SIK2: variants seen among roughly 807,000 people sequenced by gnomAD.
SIK2 encodes the protein salt inducible kinase 2.
A neutral mutation model predicts 103.2 loss-of-function variants in SIK2; 29 were observed. That is an observed-to-expected ratio of 0.28 (90% CI 0.21 to 0.38). The LOEUF (loss-of-function observed/expected upper bound fraction) is 0.38. SIK2 is among the 10% of genes least tolerant of loss of function. The probability of loss-of-function intolerance (pLI) is 1.00; values close to 1 mark genes in which losing one functional copy is unlikely to be tolerated. For missense variants in SIK2, 879 were observed against 1,171.0 expected, an observed-to-expected ratio of 0.75 and a Z score of 3.64; for synonymous variants, 412 against 446.1, an observed-to-expected ratio of 0.92 and a Z score of 0.96.
intron 3 of SIK2, among the ~76,000 whole-genome samples, chr11:111,622,803 G>A (rs765428556): frequency 4.6e-5 from 7 of 151,966 alleles, no homozygotes; most frequent in Non-Finnish European, 8.8e-5. Flanking sequence ...TGTATATAAT[G>A]TGCCTTTTTT....
Position 111,705,869 on chromosome 11 carries a change from A to G in SIK2, c.1101+730A>G, listed in dbSNP as rs1005842045. ...AAGAAGAAATTTGGAGAGAGCAGTT[A>G]GGAGAGTGTTACAGTAGAGATGAGA... On this transcript the variant is annotated intron_variant, in intron 8 of 14. Coordinates refer to ENST00000304987, the MANE Select transcript of SIK2 (RefSeq NM_015191.3). This position sits in a 1 kb window ranked among gnomAD's most constrained non-coding sequence, Gnocchi z 4.3. 6.6e-6 allele frequency among the ~76,000 whole-genome samples: 1 copy of G among 152,242 alleles called. No homozygotes were observed. The highest frequency in any genetic ancestry group is 1.5e-5 in the Non-Finnish European group (1 of 68,034).
At chr11:111,673,404 C>T (rs1021090388) in intron 3 of SIK2, among the ~76,000 whole-genome samples, 5 of 152,244 alleles carry the variant, frequency 3.3e-5, no homozygotes, top group African/African-American at 1.2e-4. Flanking sequence ...AATGTCAGGT[C>T]TTGTTTTCTG....
intron 10 of SIK2, 75 bp from the exon 11 acceptor site, chr11:111,720,403 T>C (rs1239068080): frequency 7.0e-7 from 1 of 1,419,126 alleles, no homozygotes; most frequent in Non-Finnish European, 9.5e-7. Context: ...AAACTCAAGC[T>C]GGTTATGCTT....
At chr11:111,672,198 GC>G (rs1003866952) in intron 3 of SIK2, 12 of 401,690 alleles carry the variant, frequency 3.0e-5, no homozygotes, top group Admixed American at 1.4e-4. Context: ...TGGCTGTGAT[GC>G]CCCCCCATAC....
intron 8 of SIK2, 149 bp from the exon 9 acceptor site, chr11:111,712,062 T>C: frequency 2.5e-6 from 2 of 797,312 alleles, no homozygotes; most frequent in Non-Finnish European, 3.9e-6. Context: ...GCACCATGTA[T>C]ATATTTCACT....
chr11:111,728,095 G>A lies in SIK2; in HGVS notation c.*3966G>A, dbSNP rs1271885560. ...TCCCTGTGAACAGTGGCTGACACCG[G>A]TGCCAGGGCTGACCTGCTACACTCA... On this transcript the variant is annotated 3_prime_UTR_variant, in exon 15 of 15. Transcript: ENST00000304987. The A allele has an allele frequency of 6.6e-6, 1 of 152,062 alleles. No homozygotes were observed. Among genetic ancestry groups the A allele is most frequent in the Non-Finnish European group, 1.5e-5 (1 of 68,024 alleles). The allele number at this position is 152,062 out of a possible 1,614,324, so 9.4% of individuals were successfully genotyped here. A position where few individuals can be genotyped will look rare whatever the true frequency, so the allele number is the denominator to read the frequency against.
At chr11:111,630,416 C>T (rs1461333267) in intron 3 of SIK2, among the ~76,000 whole-genome samples, 2 of 151,932 alleles carry the variant, frequency 1.3e-5, no homozygotes, top group Non-Finnish European at 2.9e-5. Context: ...ACAGAATATA[C>T]AATTACCTCA....
intron 3 of SIK2, among the ~76,000 whole-genome samples, chr11:111,655,850 C>T (rs1942384839): frequency 6.6e-6 from 1 of 152,024 alleles, no homozygotes; most frequent in Admixed American, 6.6e-5. Flanking sequence ...AGAATGCATA[C>T]CCCACAGCAT....
intron 3 of SIK2, among the ~76,000 whole-genome samples, chr11:111,664,491 C>A (rs1942508644): frequency 6.6e-6 from 1 of 152,170 alleles, no homozygotes; most frequent in Admixed American, 6.5e-5. Flanking sequence ...TGGCACACGC[C>A]TGTAGTCCCA....
rs1170027898 is a variant in SIK2 at position 111,725,621 on chromosome 11, C to G, written c.*1492C>G. 6.6e-6 allele frequency: 1 copy of G among 152,656 alleles called. No homozygotes were observed. The highest frequency in any genetic ancestry group is 1.5e-5 in the Non-Finnish European group (1 of 68,046). 9.5% of individuals were successfully genotyped at this position (152,656 alleles called of 1,614,324 possible). On this transcript the variant is annotated 3_prime_UTR_variant, in exon 15 of 15. Coordinates refer to ENST00000304987, the MANE Select transcript of SIK2 (RefSeq NM_015191.3). ...CATCAGCAGATGAATGTGTTAAGCA[C>G]AAAGCATCTTCCTTAAAGCACAAAG...
intron 3 of SIK2, among the ~76,000 whole-genome samples, chr11:111,635,035 G>A (rs187889230): frequency 6.6e-6 from 1 of 152,158 alleles, no homozygotes; most frequent in Non-Finnish European, 1.5e-5. Context: ...TATCTTTGAA[G>A]AGGTCAGATC....
At position 111,631,098 on chromosome 11, in the gene SIK2, C is replaced by T. The variant is rs542674771; in HGVS notation, c.316+10696C>T. Among the ~76,000 whole-genome samples, 9 of 152,194 alleles carry T rather than the reference C, an allele frequency of 5.9e-5. 1 individual carries two copies. In the East Asian group the frequency reaches 1.7e-3, roughly 29 times the overall value. On this transcript the variant is annotated intron_variant, in intron 3 of 14. Transcript: ENST00000304987. ...TTAGTTTAGAAGAGAGGAATTCCTC[C>T]TTCTCTGAAAAGGTGTGCATTGGTG...
chr11:111,721,623 G>A (rs981119908), intron 12 of SIK2, among the ~76,000 whole-genome samples: 1 of 152,170 alleles, frequency 6.6e-6, no homozygotes, highest in Admixed American at 6.5e-5. Flanking sequence ...GTACTGACTA[G>A]GTAATTGTTA....
chr11:111,642,694 A>T (rs1441885957), intron 3 of SIK2, among the ~76,000 whole-genome samples: 2 of 152,176 alleles, frequency 1.3e-5, no homozygotes, highest in African/African-American at 4.8e-5. Context: ...CTAGATTCCC[A>T]GAGGTGGAAC....
At chr11:111,637,023 A>T (rs2135852953) in intron 3 of SIK2, among the ~76,000 whole-genome samples, 1 of 152,232 alleles carries the variant, frequency 6.6e-6, no homozygotes, top group East Asian at 1.9e-4. Flanking sequence ...ATTATTTAGT[A>T]GATGATTTAT....
intron 2 of SIK2, among the ~76,000 whole-genome samples, chr11:111,618,706 C>T (rs1319655479): frequency 6.6e-6 from 1 of 152,106 alleles, no homozygotes. Context: ...ATTCAGATTA[C>T]TTCTCCCTTT....
chr11:111,629,269 AC>A (rs1443707847), intron 3 of SIK2, among the ~76,000 whole-genome samples: 1 of 152,224 alleles, frequency 6.6e-6, no homozygotes, highest in Non-Finnish European at 1.5e-5. Context: ...CAAAAAACTT[AC>A]AAGGTAGGTA....
chr11:111,690,002 CA>C (rs758081930), intron 4 of SIK2, among the ~76,000 whole-genome samples: 3 of 150,784 alleles, frequency 2.0e-5, no homozygotes, highest in Non-Finnish European at 2.9e-5. Context: ...ATATATATAT[CA>C]CACATATACA....
chr11:111,642,982 C>T (rs748282191), intron 3 of SIK2, among the ~76,000 whole-genome samples: 40 of 152,118 alleles, frequency 2.6e-4, no homozygotes, highest in Non-Finnish European at 3.7e-4. Flanking sequence ...AAAATTTCTT[C>T]GTTTTTTTTA....
Sources: allele counts gnomAD v4.1 joint callset (sites outside exome capture counted in the v4.1 genomes callset), GRCh38; gene constraint gnomAD v4.1.1; non-coding constraint Gnocchi (gnomAD v3.1); transcripts MANE v1.5; gene names NCBI Gene and HGNC (gene_info 2026-07-23, HGNC 2026-07-21).